Variants in TMPRSS4 observed in about 807,000 individuals in gnomAD.
TMPRSS4 encodes the protein transmembrane serine protease 4, also known as transmembrane protease serine 4.
In TMPRSS4, 45 loss-of-function variants were observed where a neutral mutation model predicts 56.4. The observed-to-expected ratio is 0.80, with a 90% confidence interval of 0.63 to 1.02. TMPRSS4 has a LOEUF of 1.02. Among genes scored for constraint, TMPRSS4 ranks in the 50% least tolerant of loss-of-function variants. TMPRSS4 has a pLI of 0.00. For missense variants in TMPRSS4, 546 were observed against 556.7 expected, an observed-to-expected ratio of 0.98 and a Z score of 0.19; for synonymous variants, 205 against 211.0, an observed-to-expected ratio of 0.97 and a Z score of 0.25.
At chr11:118,083,759 A>G (rs1231523033) in intron 1 of TMPRSS4, among the ~76,000 whole-genome samples, 1 of 152,154 alleles carries the variant, frequency 6.6e-6, no homozygotes, top group Non-Finnish European at 1.5e-5. Context: ...TACAGTTAAC[A>G]ATTACTGTAC....
In TMPRSS4 at chr11:118,120,818, TAA is replaced by T. The variant is rs1947768285; in HGVS notation, c.*2906_*2907del. On this transcript the variant is annotated 3_prime_UTR_variant, in exon 13 of 13. Coordinates refer to ENST00000437212, the MANE Select transcript of TMPRSS4 (RefSeq NM_019894.4). ...TGAGAGAGAGACAGTACCAAAGAGA[TAA>T]GAGCTGAGAATGTTCCAGAATTGAT... 6.6e-6 allele frequency: 1 copy of T among 151,958 alleles called. No homozygotes were observed. Among genetic ancestry groups the T allele is most frequent in the Non-Finnish European group, 1.5e-5 (1 of 68,002 alleles). The allele number at this position is 151,958 out of a possible 1,614,324, so 9.4% of individuals were successfully genotyped here.
chr11:118,118,110 G>C lies in TMPRSS4; in HGVS notation c.*197G>C. ...GCCCAGAGGCGCCCAGAGGAAGTCA[G>C]CAGCCCTAGCTCGGCCACACTTGGT... is the stretch of plus-strand genomic sequence containing the variant. On this transcript the variant is annotated 3_prime_UTR_variant, in exon 13 of 13. Transcript: ENST00000437212. The C allele has an allele frequency of 7.0e-7, 1 of 1,437,308 alleles. No individual in the cohort carries two copies. Among genetic ancestry groups the C allele is most frequent in the Non-Finnish European group, 9.1e-7 (1 of 1,101,400 alleles). The allele number at this position is 1,437,308 out of a possible 1,614,324, so 89.0% of individuals were successfully genotyped here.
At chr11:118,104,568 T>C (rs1946888753) in intron 4 of TMPRSS4, 123 bp from the exon 5 acceptor site, 2 of 1,469,824 alleles carry the variant, frequency 1.4e-6, no homozygotes, top group Admixed American at 4.0e-5. Flanking sequence ...TTGAAAGTGT[T>C]GGGGCTCTGT....
chr11:118,111,987 T>G, intron 8 of TMPRSS4, 87 bp downstream of exon 8: 1 of 1,522,260 alleles, frequency 6.6e-7, no homozygotes, highest in Non-Finnish European at 8.8e-7. Flanking sequence ...GGCACCGTCC[T>G]TCTCTTCACT....
At chr11:118,097,041 A>AGAAAGGAAAGGAAAGAAAAGGAAAG (rs1946435596) in intron 2 of TMPRSS4, among the ~76,000 whole-genome samples, 4 of 77,844 alleles carry the variant, frequency 5.1e-5, no homozygotes, top group Non-Finnish European at 2.4e-5. Context: ...AGAAAAGGAA[A>AGAAAGGAAAGGAAAGAAAAGGAAAG]GAAAGGAAAG....
In TMPRSS4 at chr11:118,114,880, C is replaced by T. The variant is rs1947456947; in HGVS notation, c.962C>T (p.Ala321Val). 2 of 1,608,826 alleles carry T rather than the reference C, an allele frequency of 1.2e-6. No homozygotes were observed. The highest frequency in any genetic ancestry group is 4.5e-5 in the East Asian group (2 of 44,852). Residue 321 changes from alanine to valine, a missense_variant, in exon 10 of 13, where the codon GCC becomes GTC. By Grantham distance (64) the Ala-to-Val change is moderately conservative. Transcript: ENST00000437212. ...TTCTTTGATGAGGAGCTCACTCCAG[C>T]CACCCCACTCTGGATCATTGGATGG... ...LPFFDEELTP[A>V]TPLWIIGWGF...
intron 1 of TMPRSS4, among the ~76,000 whole-genome samples, chr11:118,091,459 C>A (rs999430475): frequency 6.6e-6 from 1 of 152,162 alleles, no homozygotes; most frequent in Admixed American, 6.5e-5. Flanking sequence ...CTGCATAGCA[C>A]CTACCCCTCT....
Position 118,118,903 on chromosome 11 carries a change from G to C in TMPRSS4, c.*990G>C. On this transcript the variant is annotated 3_prime_UTR_variant, in exon 13 of 13. Coordinates refer to ENST00000437212, the MANE Select transcript of TMPRSS4 (RefSeq NM_019894.4). ...ACAAAAAGGATCAGCTGCCAGGTGT[G>C]AGGCAGTCCCCAAGCTGAGTTGTGA... 1.0e-6 allele frequency: 1 copy of C among 985,412 alleles called. No homozygotes were observed. The highest frequency in any genetic ancestry group is 1.2e-6 in the Non-Finnish European group (1 of 829,932). 61.0% of individuals were successfully genotyped at this position (985,412 alleles called of 1,614,324 possible). A position where few individuals can be genotyped will look rare whatever the true frequency, so the allele number is the denominator to read the frequency against.
chr11:118,094,305 T>C (rs1460299836), intron 1 of TMPRSS4, among the ~76,000 whole-genome samples: 1 of 152,336 alleles, frequency 6.6e-6, no homozygotes, highest in East Asian at 1.9e-4. Context: ...ATCAACACAG[T>C]ATTATTAGTC....
rs374693557 is a variant in TMPRSS4, at chr11:118,096,897, A to G, written c.43+2042A>G. Among the ~76,000 whole-genome samples, 19 of 51,822 alleles carry G rather than the reference A, an allele frequency of 3.7e-4. 1 individual carries two copies. In the South Asian group the frequency reaches 5.0e-3, roughly 14 times the overall value. 34.0% of individuals were successfully genotyped at this position (51,822 alleles called of 152,430 possible). On this transcript the variant is annotated intron_variant, in intron 2 of 12. Transcript: ENST00000437212. ...AAAGAAAGAAAGAAAGAAAGAAAGAAAGAAAGAAAGAAAGGGAGAGAGAAA... is the reference window on the plus strand; with the variant it reads ...AAAGAAAGAAAGAAAGAAAGAAAGAGAGAAAGAAAGAAAGGGAGAGAGAAA...
intron 1 of TMPRSS4, among the ~76,000 whole-genome samples, chr11:118,089,223 A>G (rs1186864538): frequency 6.6e-6 from 1 of 152,106 alleles, no homozygotes; most frequent in African/African-American, 2.4e-5. Context: ...CCAAAGGTGT[A>G]TCTGTCCATC....
intron 2 of TMPRSS4, among the ~76,000 whole-genome samples, chr11:118,096,207 C>T (rs1178401947): frequency 6.6e-6 from 1 of 152,236 alleles, no homozygotes; most frequent in Non-Finnish European, 1.5e-5. Context: ...TATTGGCAAA[C>T]ATTACTGATA....
In TMPRSS4 at chr11:118,117,950, T is replaced by C. The variant is rs1267381389; in HGVS notation, c.*37T>C. The C allele has an allele frequency of 1.1e-5, 18 of 1,612,298 alleles. No individual in the cohort carries two copies. The East Asian group carries it at 3.3e-4, about 30-fold the overall frequency. On this transcript the variant is annotated 3_prime_UTR_variant, in exon 13 of 13. Coordinates refer to ENST00000437212, the MANE Select transcript of TMPRSS4 (RefSeq NM_019894.4). ...CTTTGCAGTGCTGGGAGCCGCTTCC[T>C]TCCTGCCCTGCCCACCTGGGGATCC...
Position 118,102,690 on chromosome 11 carries a change from CAG to C in TMPRSS4, c.158-408_158-407del, listed in dbSNP as rs1565429394. On this transcript the variant is annotated intron_variant, in intron 3 of 12. Coordinates refer to ENST00000437212, the MANE Select transcript of TMPRSS4 (RefSeq NM_019894.4). ...CGCCACTGCACTCCAGCCTGGATGA[CAG>C]AGTGAGACTCGGTCTCAAAAAAAAG... 5.3e-5 allele frequency among the ~76,000 whole-genome samples: 8 copies of C among 152,292 alleles called. No individual in the cohort carries two copies. The South Asian group carries it at 1.7e-3, about 32-fold the overall frequency.
intron 1 of TMPRSS4, among the ~76,000 whole-genome samples, chr11:118,090,091 C>T (rs1393271446): frequency 1.3e-5 from 2 of 152,152 alleles, no homozygotes; most frequent in African/African-American, 2.4e-5. Context: ...ATCCACCCGC[C>T]TCAGCCTCCC....
chr11:118,103,714 G>A (rs1046289775), intron 4 of TMPRSS4, among the ~76,000 whole-genome samples: 1 of 152,120 alleles, frequency 6.6e-6, no homozygotes, highest in African/African-American at 2.4e-5. Context: ...ACCCTGTCTT[G>A]TCTACCTTTA....
At chr11:118,100,816 G>C (rs1009490011) in intron 3 of TMPRSS4, among the ~76,000 whole-genome samples, 1 of 152,334 alleles carries the variant, frequency 6.6e-6, no homozygotes, top group South Asian at 2.1e-4. Flanking sequence ...ATAATTCAGA[G>C]CTGGACACTC....
rs1019414730 is a variant in TMPRSS4 at position 118,103,239 on chromosome 11, G to T, written c.296G>T (p.Gly99Val). 6.2e-7 allele frequency: 1 copy of T among 1,613,548 alleles called. No individual in the cohort carries two copies. Among genetic ancestry groups the T allele is most frequent in the Admixed American group, 1.7e-5 (1 of 60,004 alleles). The change falls in exon 4 of 13, where the codon GGG becomes GTG. Residue 99 changes from glycine to valine, a missense_variant. Coordinates refer to ENST00000437212, the MANE Select transcript of TMPRSS4 (RefSeq NM_019894.4). ...EEHCVKSFPE[G>V]PAVAVRLSKD... ...CACTGTGTCAAGAGCTTCCCCGAAGGGCCTGCAGTGGCAGGTGAGTGCAGG... is the reference window on the plus strand; with the variant it reads ...CACTGTGTCAAGAGCTTCCCCGAAGTGCCTGCAGTGGCAGGTGAGTGCAGG...
rs1368107637 is a variant in TMPRSS4 at position 118,118,291 on chromosome 11, C to T, written c.*378C>T. ...CTGGAGAGGAGAAGGAAAGGGTCTG[C>T]GCCAGCCCTGTCCGTCTTCACCCAT... is the stretch of plus-strand genomic sequence containing the variant. On this transcript the variant is annotated 3_prime_UTR_variant, in exon 13 of 13. Transcript: ENST00000437212. 2 of 1,125,722 alleles carry T rather than the reference C, an allele frequency of 1.8e-6. No individual in the cohort carries two copies. The highest frequency in any genetic ancestry group is 2.2e-6 in the Non-Finnish European group (2 of 918,960). 69.7% of individuals were successfully genotyped at this position (1,125,722 alleles called of 1,614,324 possible).
Sources: allele counts gnomAD v4.1 joint callset (sites outside exome capture counted in the v4.1 genomes callset), GRCh38; gene constraint gnomAD v4.1.1; transcripts MANE v1.5; gene names NCBI Gene and HGNC (gene_info 2026-07-23, HGNC 2026-07-21).